The following RAB4B variants were observed in gnomAD, a reference collection of about 807,000 sequenced individuals.
The protein encoded by RAB4B is RAB4B, member RAS oncogene family.
In RAB4B, 15 loss-of-function variants were observed where a neutral mutation model predicts 28.3. The ratio of observed to expected loss-of-function variants is 0.53; its 90% confidence interval spans 0.35 to 0.82. The LOEUF (loss-of-function observed/expected upper bound fraction) is 0.82. Ranked by LOEUF, RAB4B falls within the 40% of genes least tolerant of loss-of-function variation. The pLI, the probability that RAB4B is intolerant of heterozygous loss-of-function variation, is 0.01. For synonymous variants in RAB4B, 108 were observed against 116.3 expected, an observed-to-expected ratio of 0.93 and a Z score of 0.46; for missense variants, 244 against 288.5, an observed-to-expected ratio of 0.85 and a Z score of 1.12.
rs1599742083 is a variant in RAB4B at position 40,784,053 on chromosome 19, C to T, written c.408C>T (p.Ala136=). 1 of 1,613,148 alleles carries T rather than the reference C, an allele frequency of 6.2e-7. No homozygotes were observed. Among genetic ancestry groups the T allele is most frequent in the Non-Finnish European group, 8.5e-7 (1 of 1,179,298 alleles). ...AGCGGGAGGTCACTTTCCTGGAGGCCTCCCGCTTTGCCCAGGAGAATGGTG... is the reference window on the plus strand; with the variant it reads ...AGCGGGAGGTCACTTTCCTGGAGGCTTCCCGCTTTGCCCAGGAGAATGGTG... ...DPEREVTFLE[A]SRFAQENELM... is the part of the protein sequence containing the mutation. Residue 136 remains alanine (A), a synonymous_variant, in exon 5 of 8, where the codon GCC becomes GCT. Transcript: ENST00000357052.
chr19:40,779,797 TA>T, intron 1 of RAB4B: 1 of 1,220,270 alleles, frequency 8.2e-7, no homozygotes, highest in Non-Finnish European at 1.1e-6. Flanking sequence ...TCCCTGAATC[TA>T]AAATAAAAGT....
intron 3 of RAB4B, among the ~76,000 whole-genome samples, chr19:40,782,567 C>G (rs1599740458): frequency 1.3e-5 from 2 of 152,180 alleles, no homozygotes; most frequent in African/African-American, 2.4e-5. Flanking sequence ...AATCCCAGCA[C>G]TTTGGGAGGC....
At chr19:40,785,858 T>G (rs539402319) in intron 5 of RAB4B, 20 of 154,898 alleles carry the variant, frequency 1.3e-4, no homozygotes, top group Non-Finnish European at 2.0e-4. Flanking sequence ...CAGTGACACC[T>G]CAGGAAGGTC....
At chr19:40,780,255 C>T (rs2083034205) in intron 2 of RAB4B, 130 bp from the exon 3 acceptor site, 1 of 1,432,508 alleles carries the variant, frequency 7.0e-7, no homozygotes, top group South Asian at 1.4e-5. Flanking sequence ...TTACTAGGTT[C>T]TCCTTGACCT....
chr19:40,780,890 A>C lies in RAB4B; in HGVS notation c.212+391A>C, dbSNP rs116763381. On this transcript the variant is annotated intron_variant, in intron 3 of 7. Transcript: ENST00000357052. Reference sequence around the variant, plus strand: ...AGGGATGGAGACTGAGAGACACCGAAACAGAAAGAGAAGGGGAAACTTGAG... The same window carrying C: ...AGGGATGGAGACTGAGAGACACCGACACAGAAAGAGAAGGGGAAACTTGAG... 2.4e-3 allele frequency among the ~76,000 whole-genome samples: 370 copies of C among 152,018 alleles called. 2 individuals are homozygous for C. Among genetic ancestry groups the C allele is most frequent in the African/African-American group, 8.7e-3 (362 of 41,474 alleles).
Position 40,781,288 on chromosome 19 carries a change from G to GAATAAATA in RAB4B, c.212+805_212+812dup, listed in dbSNP as rs145590550. Among the ~76,000 whole-genome samples, 5 of 147,636 alleles carry GAATAAATA rather than the reference G, an allele frequency of 3.4e-5. No homozygotes were observed. The South Asian group carries it at 8.5e-4, about 25-fold the overall frequency. On this transcript the variant is annotated intron_variant, in intron 3 of 7. Transcript: ENST00000357052. ...GGTGACAGAGCGAGACTCTGTCTCTGAATAAATAAATAAATAAATAAATGA... is the reference window on the plus strand; with the variant it reads ...GGTGACAGAGCGAGACTCTGTCTCTGAATAAATAAATAAATAAATAAATAAATAAATGA...
intron 7 of RAB4B, among the ~76,000 whole-genome samples, chr19:40,793,580 T>C (rs376008528): frequency 1.4e-5 from 2 of 142,420 alleles, no homozygotes; most frequent in South Asian, 4.4e-4. Context: ...TTGTTTTTTT[T>C]TTTTTTTTTT....
rs1418266498 is a variant in RAB4B at position 40,786,752 on chromosome 19, T to C, written c.518T>C (p.Ile173Thr). 8.7e-6 allele frequency: 14 copies of C among 1,614,034 alleles called. No homozygotes were observed. The highest frequency in any genetic ancestry group is 2.2e-5 in the East Asian group (1 of 44,850). Residue 173 changes from isoleucine (I) to threonine (T), a missense_variant, in exon 6 of 8, where the codon ATT (isoleucine) becomes ACT (threonine). By Grantham distance (89) the Ile-to-Thr change is moderately conservative. Coordinates refer to ENST00000357052, the MANE Select transcript of RAB4B (RefSeq NM_016154.5). ...LKCARTILNK[I>T]DSGELDPERM... ...TGTGCCCGCACTATCCTCAACAAGA[T>C]TGACTCAGGTGAGGCCCCGACCGGC...
chr19:40,794,206 C>G (rs1034772412), intron 7 of RAB4B, among the ~76,000 whole-genome samples: 1 of 151,852 alleles, frequency 6.6e-6, no homozygotes, highest in Non-Finnish European at 1.5e-5. Flanking sequence ...TCCCTAGTAG[C>G]TGGGATTACA....
chr19:40,785,439 A>T (rs1393385489), intron 5 of RAB4B: 1 of 151,942 alleles, frequency 6.6e-6, no homozygotes, highest in Non-Finnish European at 1.5e-5. Flanking sequence ...TGTGCCCAGA[A>T]GTTCGAGGCT....
At chr19:40,795,557 G>A (rs1272204163) in intron 7 of RAB4B, among the ~76,000 whole-genome samples, 7 of 149,932 alleles carry the variant, frequency 4.7e-5, no homozygotes, top group African/African-American at 7.4e-5. Context: ...CTACCACCAC[G>A]CCTGGCTAAT....
chr19:40,787,927 A>G (rs2083116693), intron 7 of RAB4B, among the ~76,000 whole-genome samples: 1 of 132,650 alleles, frequency 7.5e-6, no homozygotes, highest in Non-Finnish European at 1.5e-5. Flanking sequence ...CAGCCACTGC[A>G]TTCCAGCCTG....
intron 3 of RAB4B, among the ~76,000 whole-genome samples, chr19:40,782,020 CAA>C (rs56884543): frequency 6.4e-5 from 7 of 108,722 alleles, no homozygotes; most frequent in Admixed American, 9.2e-5. Flanking sequence ...GGCTCCGTTT[CAA>C]AAAAAAAAAA....
chr19:40,793,579 T>G (rs867149224), intron 7 of RAB4B, among the ~76,000 whole-genome samples: 8,986 of 120,432 alleles, frequency 0.075, 342 homozygotes, highest in East Asian at 0.26. Flanking sequence ...TTTGTTTTTT[T>G]TTTTTTTTTT....
chr19:40,782,818 GTCAATCAA>G (rs34532358), intron 3 of RAB4B, among the ~76,000 whole-genome samples: 1 of 146,046 alleles, frequency 6.8e-6, no homozygotes, highest in Non-Finnish European at 1.5e-5. Flanking sequence ...ATCTCAATCA[GTCAATCAA>G]TCAATCAATC....
At chr19:40,782,075 G>A (rs1305360666) in intron 3 of RAB4B, among the ~76,000 whole-genome samples, 1 of 150,746 alleles carries the variant, frequency 6.6e-6, no homozygotes, top group Non-Finnish European at 1.5e-5. Flanking sequence ...AGCAGGGAGA[G>A]AAATAGAGGG....
intron 7 of RAB4B, among the ~76,000 whole-genome samples, chr19:40,795,369 TTTTATTTATTTATTTA>T (rs10594318): frequency 1.6e-4 from 24 of 145,652 alleles, no homozygotes; most frequent in Admixed American, 8.3e-4. Flanking sequence ...GGCAGGTTCA[TTTTATTTATTTATTTA>T]TTTATTTATT....
At chr19:40,795,695 G>GATTTATTTATTT (rs563508687) in intron 7 of RAB4B, among the ~76,000 whole-genome samples, 1 of 139,396 alleles carries the variant, frequency 7.2e-6, no homozygotes, top group Non-Finnish European at 1.6e-5. Flanking sequence ...GTGCCTGGCC[G>GATTTATTTATTT]ATTTATTTAT....
chr19:40,795,067 G>A (rs1412884008), intron 7 of RAB4B, among the ~76,000 whole-genome samples: 7 of 150,870 alleles, frequency 4.6e-5, no homozygotes, highest in Non-Finnish European at 1.5e-5. Flanking sequence ...TACTCAGGAG[G>A]CTGAGGCAGG....
Sources: allele counts gnomAD v4.1 joint callset (sites outside exome capture counted in the v4.1 genomes callset), GRCh38; gene constraint gnomAD v4.1.1; transcripts MANE v1.5; gene names NCBI Gene and HGNC (gene_info 2026-07-23, HGNC 2026-07-21).